The following TAS2R1 variants were observed in gnomAD, a reference collection of about 807,000 sequenced individuals.
TAS2R1 encodes taste receptor type 2 member 1.
For synonymous variants in TAS2R1, 141 were observed against 134.2 expected (o/e 1.05, Z -0.35); for missense variants, 370 against 353.4 (o/e 1.05, Z -0.38).
chr5:9,756,695 T>G, the TAS2R1 span, among the ~76,000 whole-genome samples: 1 of 152,190 alleles, frequency 6.6e-6, no homozygotes. Context: ...TTTTTCGGTG[T>G]AAAAGATATC....
At chr5:9,874,658 A>C in the TAS2R1 span, among the ~76,000 whole-genome samples, 2 of 152,158 alleles carry the variant, frequency 1.3e-5, no homozygotes, top group African/African-American at 4.8e-5. Context: ...GACTCATGTT[A>C]GGTGTGAATC....
chr5:9,891,439 G>A, the TAS2R1 span, among the ~76,000 whole-genome samples: 1 of 152,070 alleles, frequency 6.6e-6, no homozygotes, highest in Non-Finnish European at 1.5e-5. Flanking sequence ...TTCCTAACAT[G>A]GTAAGTATCT....
chr5:9,832,097 G>C, the TAS2R1 span, among the ~76,000 whole-genome samples: 1 of 152,186 alleles, frequency 6.6e-6, no homozygotes, highest in Non-Finnish European at 1.5e-5. Context: ...CTCCGGCTTA[G>C]GTTCTTTGTG....
At chr5:9,696,535 C>T (rs1741359487) in intron 1 of TAS2R1, among the ~76,000 whole-genome samples, 1 of 151,588 alleles carries the variant, frequency 6.6e-6, no homozygotes. Context: ...GCACTCTAGC[C>T]TGGGTGACAG....
chr5:9,715,184 AC>A (rs543536055), upstream of TAS2R1, among the ~76,000 whole-genome samples: 1 of 152,352 alleles, frequency 6.6e-6, no homozygotes, highest in African/African-American at 2.4e-5. Flanking sequence ...TCCTGAAAGA[AC>A]TAAACGTGTG....
chr5:9,790,743 C>G, the TAS2R1 span, among the ~76,000 whole-genome samples: 1 of 152,194 alleles, frequency 6.6e-6, no homozygotes, highest in Admixed American at 6.5e-5. Context: ...ATTCTTCCGC[C>G]TCAGCCTCCT....
At chr5:9,852,978 G>A in the TAS2R1 span, among the ~76,000 whole-genome samples, 1 of 152,166 alleles carries the variant, frequency 6.6e-6, no homozygotes, top group South Asian at 2.1e-4. Context: ...AAATGTTTTG[G>A]CACTGGAAAA....
At chr5:9,744,016 G>A in the TAS2R1 span, among the ~76,000 whole-genome samples, 4 of 151,924 alleles carry the variant, frequency 2.6e-5, no homozygotes, top group Admixed American at 6.6e-5. Context: ...CCTACTATCC[G>A]ATCACTCATG....
the TAS2R1 span, among the ~76,000 whole-genome samples, chr5:9,725,916 C>G: frequency 6.7e-6 from 1 of 149,180 alleles, no homozygotes; most frequent in Non-Finnish European, 1.5e-5. Context: ...TCTAGCTATT[C>G]TGGTGGGGCC....
At chr5:9,647,291 C>T (rs968551940) in intron 2 of TAS2R1, among the ~76,000 whole-genome samples, 1 of 152,124 alleles carries the variant, frequency 6.6e-6, no homozygotes, top group Admixed American at 6.5e-5. Context: ...GTCTTGCATT[C>T]TAGAAAAAAG....
At chr5:9,780,350 C>G in the TAS2R1 span, among the ~76,000 whole-genome samples, 1 of 152,230 alleles carries the variant, frequency 6.6e-6, no homozygotes, top group African/African-American at 2.4e-5. Flanking sequence ...TTCCCTACTA[C>G]AGTTACACAG....
chr5:9,694,437 A>C (rs1297318625), intron 1 of TAS2R1, among the ~76,000 whole-genome samples: 1 of 152,200 alleles, frequency 6.6e-6, no homozygotes, highest in East Asian at 1.9e-4. Flanking sequence ...AAGTAAAAGA[A>C]TAAGAAAATG....
the TAS2R1 span, among the ~76,000 whole-genome samples, chr5:9,897,647 A>G: frequency 6.6e-6 from 1 of 152,174 alleles, no homozygotes; most frequent in Non-Finnish European, 1.5e-5. Context: ...CCTAAAGACA[A>G]CTTTTATGAG....
intron 2 of TAS2R1, among the ~76,000 whole-genome samples, chr5:9,640,155 C>T (rs538352754): frequency 5.9e-5 from 9 of 152,026 alleles, no homozygotes; most frequent in Admixed American, 4.6e-4. Flanking sequence ...TATTAATTGG[C>T]CTCATTTTAA....
the TAS2R1 span, among the ~76,000 whole-genome samples, chr5:9,861,949 A>AATC: frequency 1.3e-5 from 2 of 152,246 alleles, no homozygotes; most frequent in Non-Finnish European, 2.9e-5. Context: ...AATTGAGTTC[A>AATC]ATGATGATGC....
intron 1 of TAS2R1, among the ~76,000 whole-genome samples, chr5:9,673,938 T>C (rs1579778163): frequency 6.6e-6 from 1 of 152,096 alleles, no homozygotes; most frequent in Admixed American, 6.6e-5. Flanking sequence ...CACCCACCCA[T>C]TGGCTCCCAC....
chr5:9,685,518 T>C (rs536676528), intron 1 of TAS2R1, among the ~76,000 whole-genome samples: 1 of 152,242 alleles, frequency 6.6e-6, no homozygotes, highest in African/African-American at 2.4e-5. Flanking sequence ...CTGGGCAAAA[T>C]GTCTTTGGAA....
At position 9,629,669 on chromosome 5, in the gene TAS2R1, T is replaced by G. The variant is rs781379779; in HGVS notation, c.364A>C (p.Ile122Leu). The part of the protein sequence containing the change: ...HPLFIWLKMR[I>L]SKLVPWMILG... ...ATCATCCATGGGACCAGCTTGGATATCCTCATCTTCAACCAGATGAAGAGT... is the reference window on the plus strand; with the variant it reads ...ATCATCCATGGGACCAGCTTGGATAGCCTCATCTTCAACCAGATGAAGAGT... Residue 122 changes from isoleucine to leucine, a missense_variant, in exon 1 of 1, where the codon ATA becomes CTA. Transcript: ENST00000382492. The G allele has an allele frequency of 1.9e-6, 3 of 1,614,102 alleles. No homozygotes were observed. The East Asian group carries it at 6.7e-5, about 36-fold the overall frequency.
the TAS2R1 span, among the ~76,000 whole-genome samples, chr5:9,888,145 T>A: frequency 2.6e-5 from 4 of 152,028 alleles, no homozygotes; most frequent in Non-Finnish European, 5.9e-5. Flanking sequence ...ATCTGCACCA[T>A]GCCCTTCCTG....
Sources: allele counts gnomAD v4.1 joint callset (sites outside exome capture counted in the v4.1 genomes callset), GRCh38; gene constraint gnomAD v4.1.1; transcripts MANE v1.5; gene names NCBI Gene and HGNC (gene_info 2026-07-23, HGNC 2026-07-21).